The following RNLS variants were observed in gnomAD, a reference collection of about 807,000 sequenced individuals.
RNLS encodes the protein renalase, FAD dependent amine oxidase, also known as renalase.
In RNLS, 39 loss-of-function variants were observed where a neutral mutation model predicts 39.8. That is an observed-to-expected ratio of 0.98 (90% CI 0.76 to 1.28). The LOEUF (loss-of-function observed/expected upper bound fraction) is 1.28. RNLS is among the 50% of genes most tolerant of loss of function. RNLS has a pLI of 0.00. For missense variants in RNLS, 410 were observed against 413.3 expected, an observed-to-expected ratio of 0.99 and a Z score of 0.07; for synonymous variants, 147 against 150.7, an observed-to-expected ratio of 0.98 and a Z score of 0.18.
chr10:88,308,426 C>A (rs562117006), intron 6 of RNLS, among the ~76,000 whole-genome samples: 1 of 135,548 alleles, frequency 7.4e-6, no homozygotes, highest in Admixed American at 7.5e-5. Context: ...AGGAACTTAA[C>A]AAATTTACAA....
the RNLS span, among the ~76,000 whole-genome samples, chr10:88,247,493 G>C: frequency 6.6e-6 from 1 of 152,216 alleles, no homozygotes; most frequent in African/African-American, 2.4e-5. Context: ...TTTACTGTGT[G>C]ACCTTGGGCC....
intron 4 of RNLS, among the ~76,000 whole-genome samples, chr10:88,481,396 A>G (rs549123692): frequency 6.6e-6 from 1 of 151,674 alleles, no homozygotes; most frequent in Non-Finnish European, 1.5e-5. Flanking sequence ...TCCCTTCTTT[A>G]CTGCCTTTTT....
chr10:88,537,146 T>TA (rs1164348105), intron 4 of RNLS, among the ~76,000 whole-genome samples: 2 of 152,184 alleles, frequency 1.3e-5, no homozygotes, highest in African/African-American at 2.4e-5. Flanking sequence ...TATGAGTTTC[T>TA]AAATGTCTAG....
chr10:88,573,477 A>G (rs1192388751), intron 3 of RNLS, among the ~76,000 whole-genome samples: 1 of 152,216 alleles, frequency 6.6e-6, no homozygotes, highest in Admixed American at 6.5e-5. Flanking sequence ...TTGCAGAACA[A>G]GTATACACTT....
intron 4 of RNLS, among the ~76,000 whole-genome samples, chr10:88,385,487 A>C (rs999730822): frequency 3.9e-5 from 6 of 152,234 alleles, no homozygotes; most frequent in Non-Finnish European, 5.9e-5. Context: ...GTAAGCCCAG[A>C]CATGACAGAC....
intron 5 of RNLS, among the ~76,000 whole-genome samples, chr10:88,346,753 T>C (rs902780757): frequency 6.6e-6 from 1 of 152,172 alleles, no homozygotes; most frequent in Non-Finnish European, 1.5e-5. Context: ...TATGCCGTGA[T>C]GTTAGTGTCT....
chr10:88,179,850 G>A, the RNLS span, among the ~76,000 whole-genome samples: 4 of 152,164 alleles, frequency 2.6e-5, no homozygotes, highest in Admixed American at 6.5e-5. Context: ...ATTTGGAGAC[G>A]GACTCTAAGT....
At chr10:88,282,808 A>G (rs539526503), downstream of RNLS, among the ~76,000 whole-genome samples, 1 of 152,302 alleles carries the variant, frequency 6.6e-6, no homozygotes, top group South Asian at 2.1e-4. Context: ...CCTGAGCAAG[A>G]CGTGCATAGA....
At chr10:88,512,176 T>C (rs1846155509) in intron 4 of RNLS, among the ~76,000 whole-genome samples, 2 of 152,140 alleles carry the variant, frequency 1.3e-5, no homozygotes, top group South Asian at 2.1e-4. Context: ...TACATAGATA[T>C]CCCTCAATAG....
At chr10:88,534,952 G>GA (rs1423078171) in intron 4 of RNLS, among the ~76,000 whole-genome samples, 3 of 152,014 alleles carry the variant, frequency 2.0e-5, no homozygotes, top group Non-Finnish European at 1.5e-5. Flanking sequence ...CTTGGAGACA[G>GA]AAAAAATCAA....
At chr10:88,388,902 A>C (rs1318003286) in intron 4 of RNLS, among the ~76,000 whole-genome samples, 1 of 152,202 alleles carries the variant, frequency 6.6e-6, no homozygotes, top group Non-Finnish European at 1.5e-5. Context: ...AAGTGAATAA[A>C]TATCAGGGAA....
At chr10:88,494,670 G>T (rs1845070998) in intron 4 of RNLS, among the ~76,000 whole-genome samples, 1 of 152,092 alleles carries the variant, frequency 6.6e-6, no homozygotes, top group African/African-American at 2.4e-5. Context: ...GTGTGAAGGA[G>T]ATATATCAGA....
intron 4 of RNLS, among the ~76,000 whole-genome samples, chr10:88,411,925 C>T (rs912862051): frequency 6.6e-6 from 1 of 152,050 alleles, no homozygotes; most frequent in South Asian, 2.1e-4. Context: ...AGTCTGGGAA[C>T]TAGGATCATT....
intron 4 of RNLS, among the ~76,000 whole-genome samples, chr10:88,366,769 T>A (rs1039194608): frequency 4.6e-5 from 7 of 151,418 alleles, no homozygotes; most frequent in Non-Finnish European, 8.8e-5. Flanking sequence ...CCCTCTGCTT[T>A]AATCCATACA....
intron 5 of RNLS, 138 bp downstream of exon 5, chr10:88,362,414 G>A (rs1849704588): frequency 1.4e-6 from 1 of 708,090 alleles, no homozygotes; most frequent in South Asian, 3.3e-5. Flanking sequence ...GGCCAAATGT[G>A]ACATTAAATT....
chr10:88,344,459 T>C (rs1011592038), intron 5 of RNLS, among the ~76,000 whole-genome samples: 2 of 151,996 alleles, frequency 1.3e-5, no homozygotes, highest in Non-Finnish European at 2.9e-5. Context: ...ACAAATGGAG[T>C]TACTCTTCCT....
chr10:88,180,818 G>A, the RNLS span, among the ~76,000 whole-genome samples: 3 of 152,122 alleles, frequency 2.0e-5, no homozygotes, highest in Non-Finnish European at 4.4e-5. Context: ...AAAAAAATGG[G>A]ATGAAACCAT....
intron 4 of RNLS, among the ~76,000 whole-genome samples, chr10:88,522,302 A>T (rs1846801313): frequency 2.0e-5 from 3 of 152,122 alleles, no homozygotes; most frequent in South Asian, 2.1e-4. Context: ...ATCCTATGCA[A>T]AGTGGGTACA....
At chr10:88,236,790 C>A in the RNLS span, among the ~76,000 whole-genome samples, 1,985 of 152,276 alleles carry the variant, frequency 0.013, 45 homozygotes, top group African/African-American at 0.046. Flanking sequence ...GAGATGATGC[C>A]TGCAGAGTCT....
Sources: gnomAD v4.1 joint callset for allele counts (sites outside exome capture counted in the v4.1 genomes callset) on GRCh38, gnomAD v4.1.1 for gene constraint, MANE v1.5 for transcripts, NCBI Gene and HGNC (gene_info 2026-07-23, HGNC 2026-07-21) for gene names.